The following CARD9 variants were observed in gnomAD, a reference collection of about 807,000 sequenced individuals.
The protein encoded by CARD9 is caspase recruitment domain-containing protein 9.
In CARD9, 53 loss-of-function variants were observed where a neutral mutation model predicts 66.0. The observed-to-expected ratio is 0.80, with a 90% CI of 0.64 to 1.01. CARD9 has a LOEUF of 1.01. CARD9 is among the 50% of genes least tolerant of loss of function. The pLI, the probability that CARD9 is intolerant of heterozygous loss-of-function variation, is 0.00. For synonymous variants in CARD9, 387 were observed against 313.8 expected (o/e 1.23, Z -2.47); for missense variants, 769 against 743.2 (o/e 1.03, Z -0.40).
chr9:136,365,088 T>A, intron 11 of CARD9, 53 bp downstream of exon 11: 1 of 1,569,406 alleles, frequency 6.4e-7, no homozygotes, highest in Non-Finnish European at 8.7e-7. Context: ...CTCCCTGTGA[T>A]CGGTCACCCT....
intron 10 of CARD9, 153 bp downstream of exon 10, chr9:136,366,647 C>T: frequency 2.4e-6 from 2 of 828,268 alleles, no homozygotes; most frequent in East Asian, 2.4e-5. Context: ...TGACCTTGAC[C>T]ATTTTACTTA....
In CARD9 at chr9:136,369,774, C is replaced by T. The variant is rs576509251; in HGVS notation, c.1053G>A (p.Glu351=). The part of the protein sequence containing the change: ...DRIEAILLQM[E]EVAIERDQAI... ...CCTGGTCCCGCTCAATGGCGACCTC[C>T]TCCATCTGCAGCAGGATGGCCTCGA... The change falls in exon 7 of 13, where the codon GAG becomes GAA. Residue 351 remains glutamate, a synonymous_variant. Coordinates refer to ENST00000371732, the MANE Select transcript of CARD9 (RefSeq NM_052813.5). 1 of 1,609,196 alleles carries T rather than the reference C, an allele frequency of 6.2e-7. No individual in the cohort carries two copies. The highest frequency in any genetic ancestry group is 1.7e-5 in the Admixed American group (1 of 59,694).
At chr9:136,368,155 T>C (rs553877159) in intron 7 of CARD9, among the ~76,000 whole-genome samples, 1 of 152,232 alleles carries the variant, frequency 6.6e-6, no homozygotes, top group African/African-American at 2.4e-5. Context: ...TGTCCATAGC[T>C]AAGCGTCCTT....
In CARD9 at chr9:136,370,683, T is replaced by C. The variant is rs1249693190; in HGVS notation, c.646A>G (p.Ser216Gly). The C allele has an allele frequency of 6.2e-7, 1 of 1,612,632 alleles. No homozygotes were observed. The highest frequency in any genetic ancestry group is 1.3e-5 in the African/African-American group (1 of 74,946). ...LQLEIDQLKHSLMKAEDDCKV... is the reference protein window; with the variant it reads ...LQLEIDQLKHGLMKAEDDCKV... Reference sequence around the variant, plus strand: ...CAGTCGTCCTCGGCCTTCATGAGGCTGTGCTTGAGCTGGTCAATCTGCAGA... The same window carrying C: ...CAGTCGTCCTCGGCCTTCATGAGGCCGTGCTTGAGCTGGTCAATCTGCAGA... The change falls in exon 5 of 13, where the codon AGC (serine) becomes GGC (glycine). Residue 216 changes from serine to glycine, a missense_variant. Coordinates refer to ENST00000371732, the MANE Select transcript of CARD9 (RefSeq NM_052813.5).
At position 136,371,954 on chromosome 9, in the gene CARD9, G is replaced by C; in HGVS notation, c.125C>G (p.Pro42Arg). 6.2e-7 allele frequency: 1 copy of C among 1,611,004 alleles called. No individual in the cohort carries two copies. Among genetic ancestry groups the C allele is most frequent in the Non-Finnish European group, 8.5e-7 (1 of 1,178,406 alleles). The change falls in exon 2 of 13, where the codon CCC (proline) becomes CGC (arginine). Residue 42 changes from proline to arginine, a missense_variant. Coordinates refer to ENST00000371732, the MANE Select transcript of CARD9 (RefSeq NM_052813.5). ...GCTGAGCACCTGCTCCTCATCATCG[G>C]GGTTCAGGACCTTGCACTGCCGCAG... ...PYLRQCKVLNPDDEEQVLSDP... is the reference protein window; with the variant it reads ...PYLRQCKVLNRDDEEQVLSDP...
intron 2 of CARD9, 47 bp downstream of exon 2, chr9:136,371,848 A>G: frequency 1.9e-6 from 3 of 1,560,704 alleles, no homozygotes; most frequent in Non-Finnish European, 2.6e-6. Context: ...CTCCGAGCTG[A>G]CTCTGTGGTT....
rs1269176224 is a variant in CARD9 at position 136,366,567 on chromosome 9, C to A, written c.1357+233G>T. 5 of 592,370 alleles carry A rather than the reference C, an allele frequency of 8.4e-6. No homozygotes were observed. The East Asian group carries it at 1.1e-4, about 14-fold the overall frequency. 36.7% of individuals were successfully genotyped at this position (592,370 alleles called of 1,614,324 possible). A position where few individuals can be genotyped will look rare whatever the true frequency, so the allele number is the denominator to read the frequency against. On this transcript the variant is annotated intron_variant, in intron 10 of 12. Transcript: ENST00000371732. ...GCTGCCCAGACCCCCACACTCTCCA[C>A]CCCAGGGGACACTTGTCCCACTAGC...
In CARD9 at chr9:136,371,405, C is replaced by A. The variant is rs748704811; in HGVS notation, c.241G>T (p.Glu81Ter). ...TGHKGYVAFL[E>*]SLELYYPQLY... ...TGCGGGTAGTAGAGCTCCAGGCTCTCGAGGAAGGCCACGTAGCCCTTGTGG... is the reference window on the plus strand; with the variant it reads ...TGCGGGTAGTAGAGCTCCAGGCTCTAGAGGAAGGCCACGTAGCCCTTGTGG... The change falls in exon 3 of 13, where the codon GAG becomes TAG. Residue 81 changes from glutamate (E) to a stop codon, truncating the protein, a stop_gained. Transcript: ENST00000371732. LOFTEE classifies it high-confidence loss of function. 6.3e-7 allele frequency: 1 copy of A among 1,592,894 alleles called. No individual in the cohort carries two copies. The highest frequency in any genetic ancestry group is 1.1e-5 in the South Asian group (1 of 88,180).
At position 136,369,626 on chromosome 9, in the gene CARD9, A is replaced by G. The variant is rs184064742; in HGVS notation, c.1077+124T>C. On this transcript the variant is annotated intron_variant, in intron 7 of 12. Transcript: ENST00000371732. ...TTGAGGCCACCCTGGGTGACATAGCAAGACCCCATCTCAAAAACAAATAAC... is the reference window on the plus strand; with the variant it reads ...TTGAGGCCACCCTGGGTGACATAGCGAGACCCCATCTCAAAAACAAATAAC... The G allele has an allele frequency of 2.1e-3, 3,144 of 1,512,128 alleles. 7 individuals carry two copies. The highest frequency in any genetic ancestry group is 8.9e-3 in the Middle Eastern group (41 of 4,614). The allele number at this position is 1,512,128 out of a possible 1,614,324, so 93.7% of individuals were successfully genotyped here. A position where few individuals can be genotyped will look rare whatever the true frequency, so the allele number is the denominator to read the frequency against.
chr9:136,373,656 G>A lies in CARD9; in HGVS notation c.-141C>T. The stretch of plus-strand genomic sequence containing the variant: ...CACGCCGGACGCCTGTGCACTTCCT[G>A]ATGGGTTCTGCTTAACTCCACAGTC... On this transcript the variant is annotated 5_prime_UTR_variant, in exon 1 of 13. Coordinates refer to ENST00000371732, the MANE Select transcript of CARD9 (RefSeq NM_052813.5). 1.2e-6 allele frequency: 1 copy of A among 821,944 alleles called. No individual in the cohort carries two copies. Among genetic ancestry groups the A allele is most frequent in the Non-Finnish European group, 1.5e-6 (1 of 680,516 alleles). 50.9% of individuals were successfully genotyped at this position (821,944 alleles called of 1,614,324 possible).
intron 10 of CARD9, 24 bp downstream of exon 10, chr9:136,366,776 G>C (rs1369455470): frequency 6.2e-7 from 1 of 1,612,666 alleles, no homozygotes; most frequent in East Asian, 2.2e-5. Context: ...GAGGCCTCTG[G>C]GTGTACTGCT....
In CARD9 at chr9:136,364,049, A is replaced by G; in HGVS notation, c.*253T>C. On this transcript the variant is annotated 3_prime_UTR_variant, in exon 13 of 13. Coordinates refer to ENST00000371732, the MANE Select transcript of CARD9 (RefSeq NM_052813.5). ...TGTGTGTTACATGGTGAAACAGAAC[A>G]GATCCTGAAGTTACACAGATGGCGT... 6.6e-7 allele frequency: 1 copy of G among 1,523,590 alleles called. No homozygotes were observed. Among genetic ancestry groups the G allele is most frequent in the Non-Finnish European group, 8.9e-7 (1 of 1,122,394 alleles). 94.4% of individuals were successfully genotyped at this position (1,523,590 alleles called of 1,614,324 possible).
chr9:136,365,185 G>A lies in CARD9; in HGVS notation c.1390C>T (p.Pro464Ser), dbSNP rs1432119909. 1 of 1,610,702 alleles carries A rather than the reference G, an allele frequency of 6.2e-7. No individual in the cohort carries two copies. Among genetic ancestry groups the A allele is most frequent in the Non-Finnish European group, 8.5e-7 (1 of 1,179,820 alleles). Residue 464 changes from proline to serine, a missense_variant, in exon 11 of 13, where the codon CCC becomes TCC. Pro to Ser is a moderately conservative substitution (Grantham distance 74). Transcript: ENST00000371732. Reference sequence around the variant, plus strand: ...TGCTCCTGGTGCAGAGCTGCAAAGGGCTGTTTCGGGCTCCCCCCGCCGGCA... The same window carrying A: ...TGCTCCTGGTGCAGAGCTGCAAAGGACTGTTTCGGGCTCCCCCCGCCGGCA... Reference protein sequence around the residue: ...CLAGGGSPKQPFAALHQEQVL... With the variant: ...CLAGGGSPKQSFAALHQEQVL...
Position 136,369,693 on chromosome 9 carries a change from G to A in CARD9, c.1077+57C>T, listed in dbSNP as rs1833209920. On this transcript the variant is annotated intron_variant, in intron 7 of 12. Transcript: ENST00000371732. ...CTGACAACTGCCCTCAAGGGCCGTG[G>A]CCCTGGTGCACCCACCCGCGAGTGG... The A allele has an allele frequency of 3.2e-6, 5 of 1,549,426 alleles. No individual in the cohort carries two copies. The East Asian group carries it at 9.6e-5, about 30-fold the overall frequency.
chr9:136,365,452 G>A (rs971700540), intron 10 of CARD9: 14 of 574,830 alleles, frequency 2.4e-5, no homozygotes, highest in African/African-American at 9.4e-5. Flanking sequence ...CAACGCTCCC[G>A]CCAGTGACCA....
intron 11 of CARD9, chr9:136,364,821 C>A (rs1249479772): frequency 3.3e-6 from 2 of 598,746 alleles, no homozygotes; most frequent in Non-Finnish European, 5.9e-6. Flanking sequence ...GCCATTGTTT[C>A]TACAACAAAG....
chr9:136,364,281 T>A lies in CARD9; in HGVS notation c.*21A>T. 1.3e-6 allele frequency: 2 copies of A among 1,551,826 alleles called. No homozygotes were observed. The highest frequency in any genetic ancestry group is 1.7e-6 in the Non-Finnish European group (2 of 1,147,494). On this transcript the variant is annotated 3_prime_UTR_variant, in exon 13 of 13. Transcript: ENST00000371732. ...GGCCGGGCCGGTGGGTGTGCCCTGG[T>A]CGGGGCCTGCGCTGCTGCGGCTAGG...
At position 136,364,572 on chromosome 9, in the gene CARD9, G is replaced by C. The variant is rs1833070823; in HGVS notation, c.1435-13C>G. 1 of 1,535,768 alleles carries C rather than the reference G, an allele frequency of 6.5e-7. No homozygotes were observed. The highest frequency in any genetic ancestry group is 1.4e-5 in the African/African-American group (1 of 72,872). ...TCAGGCCTGCGTCCTGGAGAAGGGG[G>C]AAGGCTCGGGCTCCGGCCGGCTCCC... On this transcript the variant is annotated splice_polypyrimidine_tract_variant and intron_variant, in intron 11 of 12. Coordinates refer to ENST00000371732, the MANE Select transcript of CARD9 (RefSeq NM_052813.5).
At chr9:136,366,600 C>G in intron 10 of CARD9, 200 bp downstream of exon 10, 1 of 631,896 alleles carries the variant, frequency 1.6e-6, no homozygotes, top group Non-Finnish European at 2.8e-6. Flanking sequence ...AGCTGGGGCC[C>G]TGGGTTCCAG....
Sources: gnomAD v4.1 joint callset for allele counts (sites outside exome capture counted in the v4.1 genomes callset) on GRCh38, gnomAD v4.1.1 for gene constraint, MANE v1.5 for transcripts, NCBI Gene and HGNC (gene_info 2026-07-23, HGNC 2026-07-21) for gene names.